Variants in LETMD1 observed in about 807,000 individuals in gnomAD.
LETMD1 encodes LETM1 domain containing 1.
Under a neutral mutation model 43.9 loss-of-function variants are expected in LETMD1, and 30 were observed. The ratio of observed to expected loss-of-function variants is 0.68; its 90% CI spans 0.51 to 0.93. The LOEUF (loss-of-function observed/expected upper bound fraction) is 0.93. Ranked by LOEUF, LETMD1 falls within the 40% of genes least tolerant of loss-of-function variation. The pLI, the probability that LETMD1 is intolerant of heterozygous loss-of-function variation, is 0.00. For synonymous variants in LETMD1, 176 were observed against 163.1 expected, an observed-to-expected ratio of 1.08 and a Z score of -0.60; for missense variants, 413 against 447.7, an observed-to-expected ratio of 0.92 and a Z score of 0.70.
At chr12:51,054,915 A>G (rs961787403) in intron 4 of LETMD1, among the ~76,000 whole-genome samples, 1 of 152,176 alleles carries the variant, frequency 6.6e-6, no homozygotes, top group Non-Finnish European at 1.5e-5. Context: ...CCTGGCTAAC[A>G]CAGTGAAACC....
At chr12:51,060,574 T>C (rs1271884790), downstream of LETMD1, 1 of 152,174 alleles carries the variant, frequency 6.6e-6, no homozygotes, top group African/African-American at 2.4e-5. Flanking sequence ...CTGGACACTT[T>C]AAGGTGATAA....
downstream of LETMD1, chr12:51,063,919 C>G: frequency 1.2e-6 from 2 of 1,613,886 alleles, no homozygotes; most frequent in South Asian, 2.2e-5. Context: ...TTACAATCTT[C>G]GGGCAATAGA....
intron 8 of LETMD1, chr12:51,058,411 A>C (rs778003360): frequency 2.5e-4 from 65 of 260,156 alleles, no homozygotes; most frequent in Admixed American, 2.0e-3. Flanking sequence ...CCTGTGCTTT[A>C]TTTATTTATT....
At chr12:51,062,416 C>G (rs1937669025), downstream of LETMD1, 1 of 152,224 alleles carries the variant, frequency 6.6e-6, no homozygotes, top group Non-Finnish European at 1.5e-5. Context: ...GAAAGGAAAT[C>G]AGTGCTGTTC....
intron 1 of LETMD1, chr12:51,048,791 TC>T (rs3830298): frequency 0.16 from 95,770 of 590,416 alleles, 10,256 homozygotes; most frequent in East Asian, 0.48. Flanking sequence ...GTTCAAATTG[TC>T]CCACAGGCAT....
At position 51,059,427 on chromosome 12, in the gene LETMD1, G is replaced by A. The variant is rs749952646; in HGVS notation, c.1079G>A (p.Arg360His). The change falls in exon 9 of 9, where the codon CGC (arginine) becomes CAC (histidine). Residue 360 changes from arginine (R) to histidine (H), a missense_variant. By Grantham distance (29) the Arg-to-His change is conservative. Transcript: ENST00000262055. ...LLSTNYLGTR[R>H] ...TCCACCAACTACCTTGGGACAAGGCGCTGAATGAACCATGGAGCGGATGGC... is the reference window on the plus strand; with the variant it reads ...TCCACCAACTACCTTGGGACAAGGCACTGAATGAACCATGGAGCGGATGGC... The A allele has an allele frequency of 1.3e-5, 21 of 1,613,914 alleles. No individual in the cohort carries two copies. The highest frequency in any genetic ancestry group is 1.6e-4 in the Middle Eastern group (1 of 6,062).
chr12:51,059,206 A>G (rs1948562823), intron 8 of LETMD1, 155 bp from the exon 9 acceptor site: 1 of 633,398 alleles, frequency 1.6e-6, no homozygotes, highest in South Asian at 1.8e-5. Flanking sequence ...GCATGCATAC[A>G]GGGGCTGAAA....
Position 51,059,382 on chromosome 12 carries a change from T to C in LETMD1, c.1034T>C (p.Leu345Pro). ...TCAGAAGCTGAGCTGTCTCTCTTGC[T>C]GCACAACGTGGTCCTGCTCTCCACC... ...SLKEAELSLL[L>P]HNVVLLSTNY... The change falls in exon 9 of 9, where the codon CTG (leucine) becomes CCG (proline). Residue 345 changes from leucine to proline, a missense_variant. Physicochemically the swap from Leu to Pro is moderately conservative, Grantham distance 98 (BLOSUM62 -3). Coordinates refer to ENST00000262055, the MANE Select transcript of LETMD1 (RefSeq NM_015416.5). The C allele has an allele frequency of 6.2e-7, 1 of 1,614,240 alleles. No individual in the cohort carries two copies. The highest frequency in any genetic ancestry group is 1.1e-5 in the South Asian group (1 of 91,092).
At chr12:51,064,635 C>T (rs1471172936), downstream of LETMD1, 5 of 1,532,898 alleles carry the variant, frequency 3.3e-6, no homozygotes, top group East Asian at 2.3e-5. Context: ...ACAGCCATCC[C>T]GGGAGCAGCC....
chr12:51,064,587 C>T (rs1173568687), downstream of LETMD1: 3 of 1,599,382 alleles, frequency 1.9e-6, no homozygotes, highest in East Asian at 2.2e-5. Context: ...AGTCCGGACC[C>T]GGATTGGATT....
intron 4 of LETMD1, 154 bp from the exon 5 acceptor site, chr12:51,055,681 A>AAC (rs1440813010): frequency 1.3e-4 from 58 of 432,860 alleles, no homozygotes; most frequent in Admixed American, 1.2e-4. Context: ...AAAAAAAAAA[A>AAC]AAAAAAAAAC....
chr12:51,066,437 G>A, the LETMD1 span, among the ~76,000 whole-genome samples: 4 of 136,812 alleles, frequency 2.9e-5, no homozygotes, highest in Non-Finnish European at 6.2e-5. Context: ...CCTGGCAACA[G>A]AGCAAGACTC....
At chr12:51,052,273 GGTTT>G in intron 3 of LETMD1, 66 bp downstream of exon 3, 1 of 1,579,212 alleles carries the variant, frequency 6.3e-7, no homozygotes, top group Non-Finnish European at 8.6e-7. Context: ...AAGATCTCAA[GGTTT>G]TTTCTTTCAT....
In LETMD1 at chr12:51,049,089, G is replaced by A; in HGVS notation, c.178G>A (p.Val60Met). ...AGATGTGAAGAACTTGATGTCTTAT[G>A]TGGTAACCAAGACAAAAGCGATTAA... ...KADVKNLMSY[V>M]VTKTKAINGK... is the part of the protein sequence containing the mutation. The change falls in exon 2 of 9, where the codon GTG (valine) becomes ATG (methionine). Residue 60 changes from valine to methionine, a missense_variant. By Grantham distance (21) the Val-to-Met change is conservative. Transcript: ENST00000262055. The A allele has an allele frequency of 6.2e-7, 1 of 1,613,714 alleles. No homozygotes were observed. Among genetic ancestry groups the A allele is most frequent in the Non-Finnish European group, 8.5e-7 (1 of 1,179,606 alleles).
At chr12:51,057,938 T>C (rs1285179152) in intron 7 of LETMD1, 94 bp from the exon 8 acceptor site, 19 of 947,576 alleles carry the variant, frequency 2.0e-5, no homozygotes, top group South Asian at 1.8e-4. Context: ...TTGTAACTTA[T>C]TTAAAGGAGA....
the LETMD1 span, chr12:51,068,049 T>TC: frequency 7.4e-7 from 1 of 1,343,412 alleles, no homozygotes; most frequent in Non-Finnish European, 1.0e-6. Context: ...AGCAGCACTG[T>TC]CCCTTGAACC....
At chr12:51,061,976 C>T (rs1229973340), downstream of LETMD1, 1 of 152,180 alleles carries the variant, frequency 6.6e-6, no homozygotes, top group Non-Finnish European at 1.5e-5. Context: ...TTAAAAGACT[C>T]TCAACTGTGT....
At chr12:51,062,323 A>G (rs1825871253), downstream of LETMD1, 2 of 152,216 alleles carry the variant, frequency 1.3e-5, no homozygotes, top group Admixed American at 6.5e-5. Flanking sequence ...GAAGTAAAGT[A>G]TGGTGTAAAG....
the LETMD1 span, among the ~76,000 whole-genome samples, chr12:51,067,348 CAAAAATT>C: frequency 6.6e-6 from 1 of 151,940 alleles, no homozygotes; most frequent in African/African-American, 2.4e-5. The surrounding 1 kb of genome is among the most constrained non-coding windows in gnomAD (Gnocchi z 4.1). Flanking sequence ...GTTTTCTTTG[CAAAAATT>C]TTAAGAGACA....
Sources: gnomAD v4.1 joint callset for allele counts (sites outside exome capture counted in the v4.1 genomes callset) on GRCh38, gnomAD v4.1.1 for gene constraint, Gnocchi (gnomAD v3.1) non-coding constraint, MANE v1.5 for transcripts, NCBI Gene and HGNC (gene_info 2026-07-23, HGNC 2026-07-21) for gene names.